Variants in DSE observed in about 807,000 individuals in gnomAD.
The protein encoded by DSE is dermatan-sulfate epimerase.
In DSE, 36 loss-of-function variants were observed where a neutral mutation model predicts 84.4. That is an observed-to-expected ratio of 0.43 (90% CI 0.33 to 0.56). DSE has a LOEUF of 0.56. Ranked by LOEUF, DSE falls within the 20% of genes least tolerant of loss-of-function variation. The probability of loss-of-function intolerance (pLI) is 0.06; values close to 1 mark genes in which losing one functional copy is unlikely to be tolerated. For synonymous variants in DSE, 410 were observed against 430.1 expected (o/e 0.95, Z 0.58); for missense variants, 862 against 1,169.6 (o/e 0.74, Z 3.84).
At chr6:116,311,216 GT>G (rs928682469) in intron 2 of DSE, among the ~76,000 whole-genome samples, 2 of 151,894 alleles carry the variant, frequency 1.3e-5, no homozygotes, top group Admixed American at 6.6e-5. Flanking sequence ...TCCTTCTTTA[GT>G]TTTTTTTACA....
rs1468460078 is a variant in DSE, at chr6:116,440,830, T to C, written c.*3485T>C. 1.3e-5 allele frequency: 2 copies of C among 152,178 alleles called. No homozygotes were observed. The highest frequency in any genetic ancestry group is 2.4e-5 in the African/African-American group (1 of 41,442). 9.4% of individuals were successfully genotyped at this position (152,178 alleles called of 1,614,324 possible). A position where few individuals can be genotyped will look rare whatever the true frequency, so the allele number is the denominator to read the frequency against. ...GAAGGTCTAACTCAAAGTTTGATGC[T>C]TTTTAAGCAAGTTTAGGGAACTTGA... On this transcript the variant is annotated 3_prime_UTR_variant, in exon 6 of 6. Transcript: ENST00000644252.
At chr6:116,339,959 C>T (rs1316086660) in intron 2 of DSE, among the ~76,000 whole-genome samples, 9 of 151,890 alleles carry the variant, frequency 5.9e-5, no homozygotes, top group African/African-American at 1.7e-4. Flanking sequence ...TTTCTATATG[C>T]GAGTGTGGAG....
intron 2 of DSE, among the ~76,000 whole-genome samples, chr6:116,333,833 G>A (rs1027601422): frequency 6.6e-6 from 1 of 151,948 alleles, no homozygotes; most frequent in Admixed American, 6.6e-5. Context: ...ATTACTTGAT[G>A]CCTTTTGCTC....
chr6:116,426,970 C>A, intron 3 of DSE, 143 bp downstream of exon 3: 1 of 1,108,950 alleles, frequency 9.0e-7, no homozygotes, highest in Non-Finnish European at 1.2e-6. Context: ...GTAGTCCCTA[C>A]AGTATCACTT....
At chr6:116,409,469 C>T (rs1043700677) in intron 2 of DSE, among the ~76,000 whole-genome samples, 34 of 151,990 alleles carry the variant, frequency 2.2e-4, no homozygotes, top group South Asian at 4.1e-4. Context: ...TTAGTAGAGA[C>T]GGGGTTTCAC....
chr6:116,311,495 T>C (rs1341758766), intron 2 of DSE, among the ~76,000 whole-genome samples: 5 of 152,232 alleles, frequency 3.3e-5, no homozygotes, highest in African/African-American at 1.2e-4. Context: ...AACGTTTTGC[T>C]TGTAACAACA....
At chr6:116,427,077 C>T (rs1783496106) in intron 3 of DSE, among the ~76,000 whole-genome samples, 1 of 152,202 alleles carries the variant, frequency 6.6e-6, no homozygotes, top group South Asian at 2.1e-4. Flanking sequence ...CAAATCCTCA[C>T]AGCTCAGGGT....
chr6:116,315,057 TG>T (rs1775887494), intron 2 of DSE, among the ~76,000 whole-genome samples: 1 of 151,990 alleles, frequency 6.6e-6, no homozygotes, highest in Admixed American at 6.6e-5. Context: ...TGGGGAGAAA[TG>T]GGGGAAGTCC....
At chr6:116,281,298 T>C (rs1214201008) in intron 2 of DSE, among the ~76,000 whole-genome samples, 1 of 152,156 alleles carries the variant, frequency 6.6e-6, no homozygotes, top group Non-Finnish European at 1.5e-5. Context: ...TCCTAGAGCC[T>C]CCAAAGGAAT....
chr6:116,259,153 T>C (rs1335490415), intron 2 of DSE: 2 of 1,026,334 alleles, frequency 1.9e-6, no homozygotes, highest in African/African-American at 1.6e-5. Context: ...TTGCTCGACG[T>C]AGACCATGCG....
chr6:116,300,483 A>AT (rs1039893907), intron 2 of DSE, among the ~76,000 whole-genome samples: 1 of 152,186 alleles, frequency 6.6e-6, no homozygotes, highest in Non-Finnish European at 1.5e-5. Context: ...AGAGCTGGGA[A>AT]TTTTTAGAAT....
chr6:116,278,380 T>C, intron 2 of DSE: 2 of 1,095,854 alleles, frequency 1.8e-6, no homozygotes, highest in Non-Finnish European at 2.7e-6. Context: ...GAGAACTGAA[T>C]ATCCAAAGGA....
At chr6:116,362,690 C>G (rs151034285) in intron 2 of DSE, among the ~76,000 whole-genome samples, 20 of 152,290 alleles carry the variant, frequency 1.3e-4, no homozygotes, top group African/African-American at 4.6e-4. Context: ...GCATCCCAGG[C>G]TGACTAATGA....
chr6:116,332,072 C>G (rs1776978252), intron 2 of DSE, among the ~76,000 whole-genome samples: 1 of 152,140 alleles, frequency 6.6e-6, no homozygotes, highest in Non-Finnish European at 1.5e-5. Flanking sequence ...TCCCAGCAAC[C>G]TTGTTAAACT....
At chr6:116,377,817 A>G (rs1780015288) in intron 1 of DSE, among the ~76,000 whole-genome samples, 1 of 152,222 alleles carries the variant, frequency 6.6e-6, no homozygotes, top group Non-Finnish European at 1.5e-5. Flanking sequence ...CCTTCTAGAC[A>G]GTTCTGACTA....
chr6:116,356,799 G>T (rs1371545995), intron 2 of DSE, among the ~76,000 whole-genome samples: 1 of 152,136 alleles, frequency 6.6e-6, no homozygotes, highest in African/African-American at 2.4e-5. Context: ...GGCGACAGTA[G>T]CCACACTGAG....
At chr6:116,389,538 G>A (rs1473022224) in intron 1 of DSE, among the ~76,000 whole-genome samples, 17 of 152,138 alleles carry the variant, frequency 1.1e-4, no homozygotes, top group Admixed American at 1.1e-3. Flanking sequence ...GTGACCCCAT[G>A]CCAGCCCTCT....
In DSE at chr6:116,316,826, C is replaced by CTACTATTAT. The variant is rs59889768; in HGVS notation, c.-54+57861_-54+57862insCTATTATTA. ...TCTTCTTCTACTACTACTACTACTA[C>CTACTATTAT]TATTATTATTATTATTATTATTATT... On this transcript the variant is annotated intron_variant, in intron 2 of 3. Coordinates refer to the DSE transcript ENST00000430252. Among the ~76,000 whole-genome samples the CTACTATTAT allele has an allele frequency of 3.6e-3, 527 of 145,860 alleles. 4 individuals carry two copies. Among genetic ancestry groups the CTACTATTAT allele is most frequent in the Admixed American group, 7.5e-3 (110 of 14,572 alleles).
chr6:116,399,331 G>A lies in DSE; in HGVS notation c.81G>A (p.Glu27=). Residue 27 remains glutamate (E), a synonymous_variant, in exon 2 of 6, where the codon GAG becomes GAA. Coordinates refer to ENST00000644252, the MANE Select transcript of DSE (RefSeq NM_013352.4). The stretch of plus-strand genomic sequence containing the variant: ...TTGTGTCAGCCTACATCACCGACGA[G>A]AACCCAGAAGTTATGATTCCCTTCA... The part of the protein sequence containing the change: ...LCFVSAYITD[E]NPEVMIPFTN... The A allele has an allele frequency of 6.2e-7, 1 of 1,614,066 alleles. No individual in the cohort carries two copies. The highest frequency in any genetic ancestry group is 8.5e-7 in the Non-Finnish European group (1 of 1,180,042).
Sources: allele counts gnomAD v4.1 joint callset (sites outside exome capture counted in the v4.1 genomes callset), GRCh38; gene constraint gnomAD v4.1.1; transcripts MANE v1.5; gene names NCBI Gene and HGNC (gene_info 2026-07-23, HGNC 2026-07-21).